Variants in PALM2AKAP2 observed in about 807,000 individuals in gnomAD.
PALM2AKAP2 encodes PALM2-AKAP2 fusion protein.
Under a neutral mutation model 71.5 loss-of-function variants are expected in PALM2AKAP2, and 37 were observed. The ratio of observed to expected loss-of-function variants is 0.52; its 90% CI spans 0.40 to 0.68. The LOEUF (loss-of-function observed/expected upper bound fraction) is 0.68. PALM2AKAP2 is among the 30% of genes least tolerant of loss of function. PALM2AKAP2 has a pLI of 0.00. For missense variants in PALM2AKAP2, 1,224 were observed against 1,191.8 expected, an observed-to-expected ratio of 1.03 and a Z score of -0.40; for synonymous variants, 468 against 478.8, an observed-to-expected ratio of 0.98 and a Z score of 0.29.
At chr9:110,098,463 C>T (rs1188047575) in intron 1 of PALM2AKAP2, among the ~76,000 whole-genome samples, 2 of 152,144 alleles carry the variant, frequency 1.3e-5, no homozygotes, top group African/African-American at 4.8e-5. Flanking sequence ...GTATTGTATA[C>T]TTTAAAAGGG....
intron 1 of PALM2AKAP2, among the ~76,000 whole-genome samples, chr9:109,735,918 G>C (rs188796840): frequency 1.3e-5 from 2 of 152,290 alleles, no homozygotes; most frequent in East Asian, 3.9e-4. Flanking sequence ...CATCTCTCTC[G>C]TTCTCAGATG....
Position 110,162,255 on chromosome 9 carries a change from T to C in PALM2AKAP2, c.2748+5758T>C, listed in dbSNP as rs1014747567. The C allele has an allele frequency of 6.6e-5, 95 of 1,435,932 alleles. No individual in the cohort carries two copies. In the African/African-American group the frequency reaches 1.3e-3, roughly 20 times the overall value. 88.9% of individuals were successfully genotyped at this position (1,435,932 alleles called of 1,614,324 possible). ...AAGAAAAATGACTTGTCTCCATATG[T>C]ATTTTTTTGTGCCTGTTCTGAAATA... On this transcript the variant is annotated intron_variant, in intron 3 of 3. Coordinates refer to ENST00000374525, the Ensembl canonical transcript of PALM2AKAP2.
chr9:109,664,678 C>T (rs1827452253), intron 1 of PALM2AKAP2, among the ~76,000 whole-genome samples: 1 of 152,122 alleles, frequency 6.6e-6, no homozygotes, highest in African/African-American at 2.4e-5. Flanking sequence ...TGGGGTTGCT[C>T]TTCTTGAGGA....
At chr9:110,136,570 A>G (rs753017729) in exon 2 of PALM2AKAP2, 2 of 1,613,456 alleles carry the variant, frequency 1.2e-6, no homozygotes, top group Non-Finnish European at 1.7e-6. Flanking sequence ...GCCGGCAGGC[A>G]CCTCCTCACA....
intron 3 of PALM2AKAP2, among the ~76,000 whole-genome samples, chr9:109,898,299 C>T (rs1224831157): frequency 6.6e-6 from 1 of 152,212 alleles, no homozygotes; most frequent in African/African-American, 2.4e-5. Context: ...AATAAGACTT[C>T]ACCTGTGCAC....
At chr9:110,090,129 A>G in intron 1 of PALM2AKAP2, 1 of 294,452 alleles carries the variant, frequency 3.4e-6, no homozygotes, top group East Asian at 8.6e-5. Context: ...TCCAAAGTGT[A>G]CCTTTGAACC....
intron 6 of PALM2AKAP2, among the ~76,000 whole-genome samples, chr9:109,991,001 G>A (rs575405144): frequency 4.1e-4 from 63 of 152,254 alleles, no homozygotes; most frequent in Non-Finnish European, 7.8e-4. Context: ...TAGGGCTCAG[G>A]GATATGGGCT....
At chr9:109,818,793 C>T (rs1030980610) in intron 1 of PALM2AKAP2, among the ~76,000 whole-genome samples, 1 of 152,160 alleles carries the variant, frequency 6.6e-6, no homozygotes, top group Non-Finnish European at 1.5e-5. Flanking sequence ...TACCAGTGAA[C>T]ACCTACATTG....
chr9:110,016,045 G>A lies in PALM2AKAP2; in HGVS notation c.582+6G>A, dbSNP rs1482483076. 1 of 1,612,576 alleles carries A rather than the reference G, an allele frequency of 6.2e-7. No homozygotes were observed. Among genetic ancestry groups the A allele is most frequent in the Non-Finnish European group, 8.5e-7 (1 of 1,178,848 alleles). On this transcript the variant is annotated splice_donor_region_variant and intron_variant, in intron 7 of 9. Transcript: ENST00000302798. ...GCCCAGACATGACTATCAAGGTAAG[G>A]GATTCTCTTCAGGTTGATTCTCAAA...
At chr9:109,738,730 C>T (rs1828674835) in intron 1 of PALM2AKAP2, among the ~76,000 whole-genome samples, 1 of 152,204 alleles carries the variant, frequency 6.6e-6, no homozygotes, top group South Asian at 2.1e-4. Context: ...ACTCTTTACA[C>T]CATGCCCAGA....
At chr9:110,128,621 C>T (rs979588956) in intron 1 of PALM2AKAP2, among the ~76,000 whole-genome samples, 2 of 152,166 alleles carry the variant, frequency 1.3e-5, no homozygotes, top group African/African-American at 4.8e-5. Context: ...GGTTGTACAG[C>T]CTGATGTTTG....
intron 1 of PALM2AKAP2, among the ~76,000 whole-genome samples, chr9:109,716,821 C>A (rs779257227): frequency 6.6e-6 from 1 of 152,132 alleles, no homozygotes. Flanking sequence ...TCTAGAAAAC[C>A]AGTTGGGTGA....
At chr9:109,785,108 T>C (rs2118829111) in intron 1 of PALM2AKAP2, among the ~76,000 whole-genome samples, 1 of 152,294 alleles carries the variant, frequency 6.6e-6, no homozygotes, top group South Asian at 2.1e-4. Context: ...TTATATAAAT[T>C]GTCTTGGGTG....
intron 7 of PALM2AKAP2, chr9:110,024,786 TA>T (rs77237793): frequency 0.32 from 160,114 of 502,816 alleles, 1,731 homozygotes; most frequent in South Asian, 0.41. Flanking sequence ...GACCCTGTCT[TA>T]AAAAAAAAAA....
Position 109,878,205 on chromosome 9 carries a change from A to G in PALM2AKAP2, c.127-2346A>G, listed in dbSNP as rs557571055. On this transcript the variant is annotated intron_variant, in intron 2 of 9. Coordinates refer to the PALM2AKAP2 transcript ENST00000302798. ...TGCCCTCTTTTACACATGATTTTAT[A>G]CTATCATACGATGCCCTATAATGTA... is the stretch of plus-strand genomic sequence containing the variant. Among the ~76,000 whole-genome samples the G allele has an allele frequency of 5.8e-4, 89 of 152,338 alleles. 2 individuals are homozygous for G. The South Asian group carries it at 0.018, about 30-fold the overall frequency.
chr9:110,164,398 T>G lies in PALM2AKAP2; in HGVS notation c.2749-4001T>G, dbSNP rs146558095. On this transcript the variant is annotated intron_variant, in intron 3 of 3. Transcript: ENST00000374525. The stretch of plus-strand genomic sequence containing the variant: ...TGCTTTCAAAGTTAAGCAATTCACT[T>G]GAATTCCCTAAGCATTAGAGAGAAA... Among the ~76,000 whole-genome samples, 421 of 152,356 alleles carry G rather than the reference T, an allele frequency of 2.8e-3. 4 individuals are homozygous for G. Among genetic ancestry groups the G allele is most frequent in the African/African-American group, 9.4e-3 (392 of 41,582 alleles).
At chr9:110,093,311 A>G (rs1834759358) in intron 1 of PALM2AKAP2, among the ~76,000 whole-genome samples, 1 of 152,124 alleles carries the variant, frequency 6.6e-6, no homozygotes. Context: ...TTGGGAGGAA[A>G]ATAGTGGAAA....
chr9:110,083,136 G>A (rs1834485478), intron 1 of PALM2AKAP2, among the ~76,000 whole-genome samples: 1 of 151,860 alleles, frequency 6.6e-6, no homozygotes, highest in African/African-American at 2.4e-5. Context: ...AGTGAAACTT[G>A]GTCTCAAAAA....
intron 1 of PALM2AKAP2, among the ~76,000 whole-genome samples, chr9:110,066,291 T>A (rs1409307083): frequency 6.6e-6 from 1 of 152,226 alleles, no homozygotes; most frequent in East Asian, 1.9e-4. Context: ...TGACTTCCTG[T>A]CCTTGTCACT....
Sources: gnomAD v4.1 joint callset for allele counts (sites outside exome capture counted in the v4.1 genomes callset) on GRCh38, gnomAD v4.1.1 for gene constraint, MANE v1.5 for transcripts, NCBI Gene and HGNC (gene_info 2026-07-23, HGNC 2026-07-21) for gene names.